Variants in RNF17 observed in about 807,000 individuals in gnomAD.
The protein encoded by RNF17 is ring finger protein 17.
In RNF17, 31 loss-of-function variants were observed where a neutral mutation model predicts 200.5. The ratio of observed to expected loss-of-function variants is 0.15; its 90% confidence interval spans 0.12 to 0.21. The LOEUF is 0.21. RNF17 is among the 10% of genes least tolerant of loss of function. The probability of loss-of-function intolerance (pLI) is 1.00; values close to 1 mark genes in which losing one functional copy is unlikely to be tolerated. For missense variants in RNF17, 1,628 were observed against 1,905.1 expected (o/e 0.85, Z 2.71); for synonymous variants, 606 against 637.8 (o/e 0.95, Z 0.75).
intron 11 of RNF17, among the ~76,000 whole-genome samples, chr13:24,797,147 T>C (rs971446300): frequency 4.6e-5 from 7 of 152,192 alleles, no homozygotes; most frequent in African/African-American, 1.7e-4. Flanking sequence ...TAGTACTGAA[T>C]TCAGTTTTTG....
upstream of RNF17, among the ~76,000 whole-genome samples, chr13:24,763,508 C>T (rs1033714304): frequency 6.6e-6 from 1 of 151,934 alleles, no homozygotes; most frequent in Admixed American, 6.6e-5. Flanking sequence ...TGAGCCACCG[C>T]GCCGGGCCCA....
At chr13:24,833,584 A>G (rs1462623573) in intron 18 of RNF17, among the ~76,000 whole-genome samples, 1 of 152,134 alleles carries the variant, frequency 6.6e-6, no homozygotes, top group Non-Finnish European at 1.5e-5. Context: ...GTCAATCAAG[A>G]TTTCTTGGGT....
intron 23 of RNF17, among the ~76,000 whole-genome samples, chr13:24,851,081 G>A (rs1050932582): frequency 6.6e-5 from 10 of 152,102 alleles, no homozygotes; most frequent in Non-Finnish European, 1.3e-4. Context: ...CGCAATCTCC[G>A]ACTCCCAGGT....
At chr13:24,798,103 C>T (rs1414626213) in intron 11 of RNF17, among the ~76,000 whole-genome samples, 1 of 152,094 alleles carries the variant, frequency 6.6e-6, no homozygotes, top group Non-Finnish European at 1.5e-5. Context: ...AAATATCTTA[C>T]TTGTTCATCT....
downstream of RNF17, chr13:24,884,421 G>T (rs148716987): frequency 4.5e-5 from 73 of 1,614,026 alleles, 3 homozygotes; most frequent in African/African-American, 8.1e-4. Context: ...GTTCCATTGG[G>T]AAACAGTATA....
chr13:24,801,754 A>G (rs1000549667), intron 13 of RNF17, among the ~76,000 whole-genome samples: 1 of 152,178 alleles, frequency 6.6e-6, no homozygotes, highest in African/African-American at 2.4e-5. Context: ...TTTTAGGCAT[A>G]CCTATACTTT....
At chr13:24,851,274 G>A (rs1466145494) in intron 23 of RNF17, among the ~76,000 whole-genome samples, 182 bp from the exon 24 acceptor site, 3 of 152,212 alleles carry the variant, frequency 2.0e-5, no homozygotes, top group Non-Finnish European at 4.4e-5. Context: ...GATTACAGGC[G>A]TGAGCCACTG....
chr13:24,765,248 C>T (rs1240690260), intron 1 of RNF17, among the ~76,000 whole-genome samples: 2 of 152,174 alleles, frequency 1.3e-5, no homozygotes, highest in East Asian at 3.8e-4. Context: ...ATCTCCTGAC[C>T]TCGTGATCCG....
intron 6 of RNF17, among the ~76,000 whole-genome samples, chr13:24,782,475 G>C (rs983866066): frequency 1.2e-4 from 19 of 152,186 alleles, no homozygotes; most frequent in African/African-American, 3.9e-4. Context: ...TGGGATTACA[G>C]GTGTACATAA....
In RNF17 at chr13:24,868,705, T is replaced by A; in HGVS notation, c.4267T>A (p.Ser1423Thr). The A allele has an allele frequency of 6.5e-7, 1 of 1,532,218 alleles. No homozygotes were observed. Among genetic ancestry groups the A allele is most frequent in the Non-Finnish European group, 9.0e-7 (1 of 1,106,024 alleles). The allele number at this position is 1,532,218 out of a possible 1,614,324, so 94.9% of individuals were successfully genotyped here. A position where few individuals can be genotyped will look rare whatever the true frequency, so the allele number is the denominator to read the frequency against. The change falls in exon 31 of 36, where the codon TCA (serine) becomes ACA (threonine). Residue 1423 changes from serine (S) to threonine (T), a missense_variant. Around this residue, in one of 5 missense-constraint regions of RNF17, gnomAD observed 609 missense variants for 681.9 expected, o/e 0.89. Transcript: ENST00000255324. The stretch of plus-strand genomic sequence containing the variant: ...TGCTGTTCAAGTTAAGCACGTTGTC[T>A]CACCTAATGAAGTATGTGATCTAAA... Reference protein sequence around the residue: ...LYAVQVKHVVSPNEVYICLDS... With the variant: ...LYAVQVKHVVTPNEVYICLDS...
Position 24,854,159 on chromosome 13 carries a change from GT to G in RNF17, c.3610+17del. The G allele has an allele frequency of 6.3e-7, 1 of 1,586,602 alleles. No individual in the cohort carries two copies. The highest frequency in any genetic ancestry group is 8.6e-7 in the Non-Finnish European group (1 of 1,161,284). On this transcript the variant is annotated intron_variant, in intron 25 of 35. Coordinates refer to ENST00000255324, the MANE Select transcript of RNF17 (RefSeq NM_031277.3). ...TAAACTATCAGGTGAGACCTTCTAT[GT>G]TATGTAGGCTCTAGTTCTCTAGTAC... is the stretch of plus-strand genomic sequence containing the variant.
intron 1 of RNF17, 82 bp downstream of exon 1, chr13:24,764,415 G>A: frequency 6.8e-7 from 1 of 1,464,376 alleles, no homozygotes; most frequent in Non-Finnish European, 9.1e-7. Flanking sequence ...GGCGCGTGAG[G>A]CTTGGTCAGC....
Position 24,802,434 on chromosome 13 carries a change from C to T in RNF17, c.1812C>T (p.Asn604=), listed in dbSNP as rs952900523. 6.2e-7 allele frequency: 1 copy of T among 1,613,656 alleles called. No individual in the cohort carries two copies. Among genetic ancestry groups the T allele is most frequent in the Non-Finnish European group, 8.5e-7 (1 of 1,179,814 alleles). The change falls in exon 14 of 36, where the codon AAC becomes AAT. Residue 604 remains asparagine, a synonymous_variant. Transcript: ENST00000255324. ...AKVEFLKMVN[N]KAVSMKVFRE... is the part of the protein sequence containing the mutation. The stretch of plus-strand genomic sequence containing the variant: ...TGGAATTTTTGAAAATGGTAAATAA[C>T]AAGGCTGTTTCAATGAAAGTTTTTA...
At chr13:24,885,579 G>A in the RNF17 span, 2 of 1,421,284 alleles carry the variant, frequency 1.4e-6, no homozygotes, top group African/African-American at 2.8e-5. Context: ...ATGTATGTTT[G>A]AAGAATATAT....
At chr13:24,832,533 A>G (rs1191786274) in intron 18 of RNF17, among the ~76,000 whole-genome samples, 1 of 152,224 alleles carries the variant, frequency 6.6e-6, no homozygotes, top group East Asian at 1.9e-4. Flanking sequence ...CTGAATTGGC[A>G]TGAGGCTGTA....
At chr13:24,806,265 G>C (rs879342454) in intron 15 of RNF17, among the ~76,000 whole-genome samples, 2 of 152,136 alleles carry the variant, frequency 1.3e-5, no homozygotes, top group Non-Finnish European at 2.9e-5. Context: ...GTCTATCATT[G>C]ATGGGCATTT....
chr13:24,797,823 C>A (rs879466297), intron 11 of RNF17, among the ~76,000 whole-genome samples: 1 of 151,652 alleles, frequency 6.6e-6, no homozygotes, highest in Admixed American at 6.6e-5. Context: ...GGGCTTCAGC[C>A]ACCCTCGACT....
intron 15 of RNF17, among the ~76,000 whole-genome samples, chr13:24,809,384 C>T (rs569317295): frequency 8.1e-4 from 123 of 152,130 alleles, no homozygotes; most frequent in African/African-American, 2.6e-3. Flanking sequence ...GAGAGTGTGT[C>T]GAGGAATTTA....
At chr13:24,817,083 T>G (rs1282948289) in intron 15 of RNF17, among the ~76,000 whole-genome samples, 1 of 152,222 alleles carries the variant, frequency 6.6e-6, no homozygotes, top group East Asian at 1.9e-4. Flanking sequence ...GATCTGTAAT[T>G]TTCTTATAGT....
Sources: allele counts gnomAD v4.1 joint callset (sites outside exome capture counted in the v4.1 genomes callset), GRCh38; gene constraint gnomAD v4.1.1; regional missense constraint gnomAD v4.1.1; transcripts MANE v1.5; gene names NCBI Gene and HGNC (gene_info 2026-07-23, HGNC 2026-07-21).